Variants in MYO10 observed in about 807,000 individuals in gnomAD.
MYO10 encodes myosin X.
A neutral mutation model predicts 257.3 loss-of-function variants in MYO10; 133 were observed. The ratio of observed to expected loss-of-function variants is 0.52; its 90% CI spans 0.45 to 0.60. The LOEUF is 0.60. Ranked by LOEUF, MYO10 falls within the 20% of genes least tolerant of loss-of-function variation. The probability of loss-of-function intolerance (pLI) is 0.00; values close to 1 mark genes in which losing one functional copy is unlikely to be tolerated. For missense variants in MYO10, 2,399 were observed against 2,635.7 expected (o/e 0.91, Z 1.97); for synonymous variants, 1,104 against 1,028.6 (o/e 1.07, Z -1.40).
intron 19 of MYO10, among the ~76,000 whole-genome samples, chr5:16,714,770 C>A (rs894016325): frequency 2.0e-5 from 3 of 152,086 alleles, no homozygotes; most frequent in Non-Finnish European, 4.4e-5. Flanking sequence ...TTGCAGTGAG[C>A]CAAGATTGTG....
At chr5:16,689,214 G>C (rs1181031746) in intron 28 of MYO10, among the ~76,000 whole-genome samples, 1 of 152,146 alleles carries the variant, frequency 6.6e-6, no homozygotes, top group Non-Finnish European at 1.5e-5. Context: ...AGAATCAAAA[G>C]AGTTAATATT....
chr5:16,814,577 TC>T (rs762121734), intron 3 of MYO10: 1 of 152,170 alleles, frequency 6.6e-6, no homozygotes, highest in Non-Finnish European at 1.5e-5. Flanking sequence ...CAGGCATTGC[TC>T]CGAGCCAGGA....
At chr5:16,840,080 G>A (rs1209073430) in intron 2 of MYO10, among the ~76,000 whole-genome samples, 1 of 152,144 alleles carries the variant, frequency 6.6e-6, no homozygotes, top group Non-Finnish European at 1.5e-5. Flanking sequence ...GCAGAGCTCT[G>A]CCAGGTTTCC....
At chr5:16,762,194 TA>T in intron 15 of MYO10, 81 bp from the exon 16 acceptor site, 7 of 1,389,056 alleles carry the variant, frequency 5.0e-6, no homozygotes, top group Admixed American at 6.7e-5. Flanking sequence ...CAGAGAACAC[TA>T]AATACAAAAG....
intron 1 of MYO10, among the ~76,000 whole-genome samples, chr5:16,929,476 T>C (rs1229689619): frequency 1.3e-5 from 2 of 152,150 alleles, no homozygotes; most frequent in African/African-American, 2.4e-5. Context: ...AGTGAAGAAC[T>C]CTCTGTGGCT....
At chr5:16,688,584 T>C (rs1737351356) in intron 28 of MYO10, among the ~76,000 whole-genome samples, 1 of 151,576 alleles carries the variant, frequency 6.6e-6, no homozygotes. Flanking sequence ...CTATAAAAAA[T>C]ACAACATTTG....
chr5:16,681,339 G>A lies in MYO10; in HGVS notation c.4354C>T (p.Pro1452Ser), dbSNP rs1561176616. Residue 1452 changes from proline (P) to serine (S), a missense_variant, in exon 32 of 41, where the codon CCC becomes TCC. Coordinates refer to ENST00000513610, the MANE Select transcript of MYO10 (RefSeq NM_012334.3). ...LVLNSLCSVV[P>S]PDEKIFKETG... is the part of the protein sequence containing the mutation. ...TCTTTGAATATCTTCTCATCTGGGG[G>A]GACGACAGAGCAGAGGCTGTTGAGG... 6.2e-7 allele frequency: 1 copy of A among 1,612,862 alleles called. No homozygotes were observed. The highest frequency in any genetic ancestry group is 1.7e-5 in the Admixed American group (1 of 59,746).
At chr5:16,738,601 C>A (rs59470029) in intron 19 of MYO10, among the ~76,000 whole-genome samples, 16,258 of 151,506 alleles carry the variant, frequency 0.11, 989 homozygotes, top group South Asian at 0.13. Context: ...ACAACAACAA[C>A]AAAAAAAGAG....
At chr5:16,819,590 A>G (rs1325620047) in intron 2 of MYO10, among the ~76,000 whole-genome samples, 1 of 152,228 alleles carries the variant, frequency 6.6e-6, no homozygotes, top group Non-Finnish European at 1.5e-5. Flanking sequence ...TAACATGAAA[A>G]GTGCTCAGCC....
In MYO10 at chr5:16,791,072, T is replaced by C. The variant is rs548726211; in HGVS notation, c.467+3574A>G. 3.9e-5 allele frequency among the ~76,000 whole-genome samples: 6 copies of C among 152,274 alleles called. No individual in the cohort carries two copies. In the East Asian group the frequency reaches 9.6e-4, roughly 24 times the overall value. ...GGACTAGAAGCCCAGGGACCTGGCA[T>C]TGCCACCAAGTAGCAGAGGAGCCTA... On this transcript the variant is annotated intron_variant, in intron 4 of 40. Coordinates refer to ENST00000513610, the MANE Select transcript of MYO10 (RefSeq NM_012334.3).
chr5:16,763,137 T>TA (rs1195717704), intron 14 of MYO10, among the ~76,000 whole-genome samples: 4 of 151,538 alleles, frequency 2.6e-5, no homozygotes, highest in East Asian at 1.9e-4. Flanking sequence ...ATATAAATCT[T>TA]AAAAAAAAAT....
intron 17 of MYO10, among the ~76,000 whole-genome samples, chr5:16,759,452 CTG>C (rs1374967778): frequency 2.0e-5 from 3 of 152,094 alleles, no homozygotes; most frequent in African/African-American, 4.8e-5. Context: ...AGTTCTCTAA[CTG>C]TGCTTTGAGC....
intron 2 of MYO10, among the ~76,000 whole-genome samples, chr5:16,820,342 C>T (rs1406669490): frequency 6.6e-6 from 1 of 152,166 alleles, no homozygotes; most frequent in Non-Finnish European, 1.5e-5. Flanking sequence ...GAGCTACAAC[C>T]AGACAGGTAC....
rs1246273258 is a variant in MYO10 at position 16,936,100 on chromosome 5, C to G, written c.-292G>C. On this transcript the variant is annotated 5_prime_UTR_variant, in exon 1 of 41. Coordinates refer to ENST00000513610, the MANE Select transcript of MYO10 (RefSeq NM_012334.3). ...GGAGAACAGCTGGTGGCACATTCTT[C>G]CCCCAGGCGGGGGAAGGCGGCGGGG... The G allele has an allele frequency of 3.0e-5, 13 of 431,420 alleles. No homozygotes were observed. The highest frequency in any genetic ancestry group is 5.4e-5 in the Non-Finnish European group (13 of 240,858). 26.7% of individuals were successfully genotyped at this position (431,420 alleles called of 1,614,324 possible).
At chr5:16,672,503 G>A (rs187868724) in intron 37 of MYO10, among the ~76,000 whole-genome samples, 186 bp downstream of exon 37, 9 of 152,268 alleles carry the variant, frequency 5.9e-5, no homozygotes, top group Admixed American at 3.9e-4. Flanking sequence ...ACGTAAGACC[G>A]TAGCTTTATC....
At chr5:16,684,003 C>T (rs1304049013) in intron 29 of MYO10, 68 bp from the exon 30 acceptor site, 19 of 1,372,760 alleles carry the variant, frequency 1.4e-5, no homozygotes, top group Non-Finnish European at 1.7e-5. Context: ...ACAGTAATAC[C>T]TCTAGCCCAC....
At chr5:16,907,496 A>G (rs1231807412) in intron 1 of MYO10, among the ~76,000 whole-genome samples, 1 of 152,138 alleles carries the variant, frequency 6.6e-6, no homozygotes, top group Non-Finnish European at 1.5e-5. Flanking sequence ...TTCCCTTTAG[A>G]GTGATTTATT....
chr5:16,732,812 C>T (rs1041646013), intron 19 of MYO10, among the ~76,000 whole-genome samples: 1 of 152,158 alleles, frequency 6.6e-6, no homozygotes, highest in Admixed American at 6.5e-5. Context: ...GAATGCTTGG[C>T]TGAATATTTT....
chr5:16,878,430 C>T (rs1186312749), intron 1 of MYO10, among the ~76,000 whole-genome samples: 2 of 152,168 alleles, frequency 1.3e-5, no homozygotes, highest in Non-Finnish European at 2.9e-5. Flanking sequence ...CTTCCAGATC[C>T]CACGTTTTAA....
Sources: gnomAD v4.1 joint callset for allele counts (sites outside exome capture counted in the v4.1 genomes callset) on GRCh38, gnomAD v4.1.1 for gene constraint, MANE v1.5 for transcripts, NCBI Gene and HGNC (gene_info 2026-07-23, HGNC 2026-07-21) for gene names.